MYO5B: variants seen among roughly 807,000 people sequenced by gnomAD.
MYO5B encodes unconventional myosin-Vb.
A neutral mutation model predicts 229.3 loss-of-function variants in MYO5B; 143 were observed. The ratio of observed to expected loss-of-function variants is 0.62; its 90% CI spans 0.54 to 0.72. MYO5B has a LOEUF of 0.72. MYO5B is among the 30% of genes least tolerant of loss of function. The probability of loss-of-function intolerance (pLI) is 0.00; values close to 1 mark genes in which losing one functional copy is unlikely to be tolerated. For missense variants in MYO5B, 2,321 were observed against 2,331.0 expected (o/e 1.00, Z 0.09); for synonymous variants, 918 against 885.2 (o/e 1.04, Z -0.66).
Position 49,864,335 on chromosome 18 carries a change from T to G in MYO5B, c.3649A>C (p.Asn1217His), listed in dbSNP as rs766207257. The change falls in exon 28 of 40, where the codon AAT becomes CAT. Residue 1217 changes from asparagine to histidine, a missense_variant. This residue lies in a region of MYO5B where 2,113 missense variants were observed against 2,044.7 expected (regional missense o/e 1.03). Coordinates refer to ENST00000285039, the MANE Select transcript of MYO5B (RefSeq NM_001080467.3). Reference protein sequence around the residue: ...SENKKLKNDLNELRKAVADQA... With the variant: ...SENKKLKNDLHELRKAVADQA... ...TCGGCCACGGCTTTCCTCAGCTCAT[T>G]CAGGTCATTCTTCAGCTTTTTGTTC... 6.2e-7 allele frequency: 1 copy of G among 1,614,070 alleles called. No homozygotes were observed. Among genetic ancestry groups the G allele is most frequent in the South Asian group, 1.1e-5 (1 of 91,088 alleles).
intron 4 of MYO5B, among the ~76,000 whole-genome samples, chr18:50,027,729 C>T (rs545711079): frequency 1.3e-5 from 2 of 152,154 alleles, no homozygotes; most frequent in East Asian, 1.9e-4. Flanking sequence ...AGGAATCTAT[C>T]CAGATTACCA....
At chr18:50,109,630 A>G (rs919800747) in intron 1 of MYO5B, among the ~76,000 whole-genome samples, 21 of 151,942 alleles carry the variant, frequency 1.4e-4, no homozygotes, top group Non-Finnish European at 7.4e-5. Flanking sequence ...GTCTCACCGC[A>G]TTAGCCAGGA....
intron 10 of MYO5B, among the ~76,000 whole-genome samples, chr18:49,965,747 A>T (rs1207335877): frequency 6.6e-6 from 1 of 152,214 alleles, no homozygotes; most frequent in African/African-American, 2.4e-5. Context: ...CTGAGACCAC[A>T]GTCTTAATTC....
rs537974743 is a variant in MYO5B, at chr18:50,163,631, C to T, written c.27+31136G>A. On this transcript the variant is annotated intron_variant, in intron 1 of 39. Coordinates refer to ENST00000285039, the MANE Select transcript of MYO5B (RefSeq NM_001080467.3). ...ATTTTCTGCAGTGCATTCCTGATAG[C>T]GTCCATGAGCAACTTCCCTAACAAA... is the stretch of plus-strand genomic sequence containing the variant. 2.4e-4 allele frequency among the ~76,000 whole-genome samples: 36 copies of T among 152,262 alleles called. 1 individual carries two copies. In the South Asian group the frequency reaches 7.5e-3, roughly 32 times the overall value.
intron 14 of MYO5B, among the ~76,000 whole-genome samples, chr18:49,941,617 G>T (rs1191184987): frequency 6.6e-6 from 1 of 152,104 alleles, no homozygotes; most frequent in African/African-American, 2.4e-5. Flanking sequence ...CTGCCAACAG[G>T]TGACAATTCT....
chr18:50,111,903 G>C (rs1318439803), intron 1 of MYO5B, among the ~76,000 whole-genome samples: 5 of 152,252 alleles, frequency 3.3e-5, no homozygotes, highest in Non-Finnish European at 7.4e-5. Flanking sequence ...TCAATGCACT[G>C]CACCTACTGA....
intron 14 of MYO5B, among the ~76,000 whole-genome samples, chr18:49,941,111 A>G (rs1014733390): frequency 6.6e-6 from 1 of 152,220 alleles, no homozygotes; most frequent in East Asian, 1.9e-4. Flanking sequence ...CTACATGGAC[A>G]ATCATGCGGG....
intron 1 of MYO5B, among the ~76,000 whole-genome samples, chr18:50,154,250 T>C (rs572167956): frequency 2.0e-4 from 31 of 152,332 alleles, no homozygotes; most frequent in African/African-American, 7.5e-4. Flanking sequence ...GATTTCTATA[T>C]TGTTTGATTT....
chr18:50,100,919 C>T (rs1354210600), intron 1 of MYO5B, among the ~76,000 whole-genome samples: 5 of 152,194 alleles, frequency 3.3e-5, no homozygotes, highest in Non-Finnish European at 5.9e-5. Flanking sequence ...AGGGACAGGG[C>T]TTGGGCCAAT....
intron 10 of MYO5B, among the ~76,000 whole-genome samples, chr18:49,972,057 G>T (rs1193041595): frequency 6.6e-6 from 1 of 152,180 alleles, no homozygotes; most frequent in Non-Finnish European, 1.5e-5. Flanking sequence ...AGAGCTGTCA[G>T]ATAGTCTCAA....
chr18:49,896,135 C>CAGTGA (rs1305323819), intron 21 of MYO5B, among the ~76,000 whole-genome samples: 2 of 152,140 alleles, frequency 1.3e-5, no homozygotes, highest in Non-Finnish European at 2.9e-5. Context: ...TCACAGAAAA[C>CAGTGA]AGTGAAGAGC....
rs540026102 is a variant in MYO5B, at chr18:50,107,864, G to A, written c.28-52486C>T. 9.2e-5 allele frequency among the ~76,000 whole-genome samples: 14 copies of A among 152,238 alleles called. No individual in the cohort carries two copies. In the East Asian group the frequency reaches 2.7e-3, roughly 29 times the overall value. On this transcript the variant is annotated intron_variant, in intron 1 of 39. Transcript: ENST00000285039. ...GAAGCCAAGGATACCACACCCTGAA[G>A]TCCCCAACTCCCATGTGACCCTCCC...
chr18:50,048,054 G>T (rs180687939), intron 2 of MYO5B, among the ~76,000 whole-genome samples: 1 of 150,544 alleles, frequency 6.6e-6, no homozygotes, highest in African/African-American at 2.4e-5. Context: ...AAACCTGCAC[G>T]TTGTGCACAT....
At chr18:49,853,252 CCA>C (rs1349095785) in intron 31 of MYO5B, among the ~76,000 whole-genome samples, 195 bp downstream of exon 31, 1 of 152,198 alleles carries the variant, frequency 6.6e-6, no homozygotes, top group Non-Finnish European at 1.5e-5. Context: ...CGACAAGGCC[CCA>C]GACACAGGAG....
At chr18:49,958,795 T>C (rs1204227734) in intron 12 of MYO5B, among the ~76,000 whole-genome samples, 2 of 152,112 alleles carry the variant, frequency 1.3e-5, no homozygotes, top group Non-Finnish European at 2.9e-5. Flanking sequence ...ACGGAGGCCC[T>C]CTCCCTGCTG....
intron 2 of MYO5B, among the ~76,000 whole-genome samples, chr18:50,047,905 C>G (rs1322713854): frequency 1.6e-5 from 2 of 126,280 alleles, no homozygotes; most frequent in Non-Finnish European, 3.1e-5. Context: ...CACTTGGACA[C>G]AGGAAGGGGA....
At chr18:49,924,846 T>C (rs2025112104) in intron 17 of MYO5B, among the ~76,000 whole-genome samples, 1 of 152,184 alleles carries the variant, frequency 6.6e-6, no homozygotes, top group South Asian at 2.1e-4. Flanking sequence ...CCCATCCCTA[T>C]AGATAACACT....
At position 49,973,427 on chromosome 18, in the gene MYO5B, G is replaced by T. The variant is rs570954074; in HGVS notation, c.1322+923C>A. On this transcript the variant is annotated intron_variant, in intron 10 of 39. Coordinates refer to ENST00000285039, the MANE Select transcript of MYO5B (RefSeq NM_001080467.3). ...GTTCTAGCCTGCTAAGCAGTTGTTC[G>T]CACTAGAGTGTCACTGTTCTTACGA... 2.6e-5 allele frequency among the ~76,000 whole-genome samples: 4 copies of T among 152,274 alleles called. No individual in the cohort carries two copies. In the South Asian group the frequency reaches 8.3e-4, roughly 32 times the overall value.
chr18:49,988,382 C>G (rs375866636), intron 7 of MYO5B, among the ~76,000 whole-genome samples: 1 of 152,172 alleles, frequency 6.6e-6, no homozygotes, highest in Non-Finnish European at 1.5e-5. Context: ...AAAATATTCT[C>G]AGAGGGCACA....
Sources: gnomAD v4.1 joint callset for allele counts (sites outside exome capture counted in the v4.1 genomes callset) on GRCh38, gnomAD v4.1.1 for gene constraint, gnomAD v4.1.1 regional missense constraint, MANE v1.5 for transcripts, NCBI Gene and HGNC (gene_info 2026-07-23, HGNC 2026-07-21) for gene names.